Variants in ETFA observed in about 807,000 individuals in gnomAD.
ETFA encodes the protein electron transfer flavoprotein subunit alpha, mitochondrial.
In ETFA, 22 loss-of-function variants were observed where a neutral mutation model predicts 46.2. That is an observed-to-expected ratio of 0.48 (90% confidence interval 0.34 to 0.68). The LOEUF is 0.68. Among genes scored for constraint, ETFA ranks in the 30% least tolerant of loss-of-function variants. The pLI is 0.01. For synonymous variants in ETFA, 131 were observed against 139.9 expected (o/e 0.94, Z 0.45); for missense variants, 345 against 401.1 (o/e 0.86, Z 1.19).
intron 8 of ETFA, among the ~76,000 whole-genome samples, chr15:76,278,351 T>C (rs920342898): frequency 3.3e-5 from 5 of 152,188 alleles, no homozygotes; most frequent in Non-Finnish European, 7.4e-5. Flanking sequence ...CTCTCCCCCA[T>C]TGTCCTCTTG....
intron 9 of ETFA, among the ~76,000 whole-genome samples, chr15:76,263,228 C>T (rs934972557): frequency 6.6e-5 from 10 of 152,160 alleles, no homozygotes; most frequent in African/African-American, 2.4e-4. Flanking sequence ...CTAGCGTTGG[C>T]CCCCTGGTCC....
intron 9 of ETFA, among the ~76,000 whole-genome samples, chr15:76,238,969 A>G (rs1230135407): frequency 6.6e-6 from 1 of 152,216 alleles, no homozygotes; most frequent in African/African-American, 2.4e-5. Context: ...TTTGAAGCTG[A>G]AATTATATCC....
At chr15:76,247,609 T>TC (rs1268635553) in intron 9 of ETFA, among the ~76,000 whole-genome samples, 1 of 152,244 alleles carries the variant, frequency 6.6e-6, no homozygotes, top group African/African-American at 2.4e-5. Flanking sequence ...CATTTTTTTT[T>TC]ACGTGGTCTT....
intron 9 of ETFA, among the ~76,000 whole-genome samples, chr15:76,236,046 GTGGA>G (rs1276656703): frequency 6.6e-6 from 1 of 152,172 alleles, no homozygotes; most frequent in Non-Finnish European, 1.5e-5. Flanking sequence ...GTGTTCTCTG[GTGGA>G]TGATTAGGTT....
In ETFA at chr15:76,311,350, C is replaced by G. The variant is rs776956043; in HGVS notation, c.39G>C (p.Ala13=). 2 of 1,557,676 alleles carry G rather than the reference C, an allele frequency of 1.3e-6. No individual in the cohort carries two copies. The highest frequency in any genetic ancestry group is 1.7e-6 in the Non-Finnish European group (2 of 1,151,352). Residue 13 remains alanine, a splice_region_variant and synonymous_variant, in exon 1 of 12, where the codon GCG becomes GCC. Transcript: ENST00000557943. Reference sequence around the variant, plus strand: ...GTTCGCCTTCCCAGTCCGGACTCACCGCCCGCCGGAGCTGCCCCGGAGCCG... The same window carrying G: ...GTTCGCCTTCCCAGTCCGGACTCACGGCCCGCCGGAGCTGCCCCGGAGCCG... ...RAAAPGQLRR[A]ASLLRFQSTL... is the part of the protein sequence containing the mutation.
At chr15:76,294,301 A>T (rs2039797019) in intron 2 of ETFA, among the ~76,000 whole-genome samples, 1 of 152,258 alleles carries the variant, frequency 6.6e-6, no homozygotes, top group African/African-American at 2.4e-5. Context: ...CCAAAAAGAT[A>T]GCTTAGCCAT....
intron 2 of ETFA, among the ~76,000 whole-genome samples, chr15:76,294,133 G>A (rs1037520100): frequency 6.6e-6 from 1 of 152,172 alleles, no homozygotes; most frequent in Non-Finnish European, 1.5e-5. Flanking sequence ...TGACAGGTTA[G>A]GATTGTAACT....
intron 1 of ETFA, among the ~76,000 whole-genome samples, chr15:76,299,176 C>T (rs1374210583): frequency 6.6e-6 from 1 of 152,228 alleles, no homozygotes; most frequent in African/African-American, 2.4e-5. Flanking sequence ...AATTCTTAGT[C>T]ATCAGCCTTA....
intron 9 of ETFA, among the ~76,000 whole-genome samples, chr15:76,235,925 A>G (rs1415852839): frequency 1.3e-5 from 2 of 152,194 alleles, no homozygotes; most frequent in South Asian, 4.1e-4. Flanking sequence ...GCAGGTTTTA[A>G]TGGTCCTGGC....
chr15:76,249,129 A>AT (rs71143303), intron 9 of ETFA, among the ~76,000 whole-genome samples: 87,198 of 140,654 alleles, frequency 0.62, 27,403 homozygotes, highest in Middle Eastern at 0.74. Flanking sequence ...TACCATAGTA[A>AT]TTTTTTTTTT....
intron 8 of ETFA, among the ~76,000 whole-genome samples, chr15:76,281,804 C>G (rs2039654772): frequency 6.6e-6 from 1 of 151,800 alleles, no homozygotes; most frequent in South Asian, 2.1e-4. Flanking sequence ...TGAATATTAC[C>G]TACGTGGCAG....
chr15:76,259,608 C>A (rs1190188572), intron 9 of ETFA: 59 of 910,466 alleles, frequency 6.5e-5, no homozygotes, highest in Non-Finnish European at 1.1e-4. Context: ...GTCAGCCAGG[C>A]TCTCCAGGGC....
chr15:76,264,486 A>G (rs1208446083), intron 9 of ETFA, among the ~76,000 whole-genome samples: 2 of 152,204 alleles, frequency 1.3e-5, no homozygotes, highest in Non-Finnish European at 2.9e-5. Context: ...TTACAGGGGG[A>G]AAAATATCCT....
At chr15:76,281,298 C>G (rs2039648158) in intron 8 of ETFA, among the ~76,000 whole-genome samples, 1 of 152,286 alleles carries the variant, frequency 6.6e-6, no homozygotes, top group Non-Finnish European at 1.5e-5. Flanking sequence ...AGCCACCACA[C>G]CCAGCCAGAT....
chr15:76,278,566 T>G (rs1169351982), intron 8 of ETFA, among the ~76,000 whole-genome samples: 1 of 152,204 alleles, frequency 6.6e-6, no homozygotes, highest in Non-Finnish European at 1.5e-5. Context: ...TATCCAACCA[T>G]GTGAAGTATA....
chr15:76,289,076 C>T (rs1256423138), intron 4 of ETFA, among the ~76,000 whole-genome samples: 1 of 151,890 alleles, frequency 6.6e-6, no homozygotes, highest in Non-Finnish European at 1.5e-5. Context: ...CACGCTACTG[C>T]GTCCAGCTCA....
At chr15:76,230,789 A>G (rs1348865193) in intron 10 of ETFA, 1 of 156,680 alleles carries the variant, frequency 6.4e-6, no homozygotes, top group Non-Finnish European at 1.4e-5. Flanking sequence ...AGATACTGAG[A>G]TATTAAGATG....
intron 9 of ETFA, among the ~76,000 whole-genome samples, chr15:76,273,755 C>G (rs928418361): frequency 1.8e-4 from 28 of 151,916 alleles, no homozygotes; most frequent in African/African-American, 6.8e-4. Flanking sequence ...GCATACTATA[C>G]AAGTTTAAAC....
chr15:76,260,811 C>G, intron 9 of ETFA: 1 of 1,607,828 alleles, frequency 6.2e-7, no homozygotes, highest in Non-Finnish European at 8.5e-7. Flanking sequence ...ATTGGCACAG[C>G]ACACCCTGAG....
Sources: gnomAD v4.1 joint callset for allele counts (sites outside exome capture counted in the v4.1 genomes callset) on GRCh38, gnomAD v4.1.1 for gene constraint, MANE v1.5 for transcripts, NCBI Gene and HGNC (gene_info 2026-07-23, HGNC 2026-07-21) for gene names.